FRMD3: variants seen among roughly 807,000 people sequenced by gnomAD.
FRMD3 encodes FERM domain-containing protein 3.
FRMD3 carries 33 observed loss-of-function variants against 70.2 expected under a neutral mutation model. That is an observed-to-expected ratio of 0.47 (90% CI 0.36 to 0.63). FRMD3 has a LOEUF of 0.63. Among genes scored for constraint, FRMD3 ranks in the 20% least tolerant of loss-of-function variants. The pLI, the probability that FRMD3 is intolerant of heterozygous loss-of-function variation, is 0.00. For missense variants in FRMD3, 632 were observed against 711.4 expected (o/e 0.89, Z 1.27); for synonymous variants, 279 against 255.9 (o/e 1.09, Z -0.86).
At chr9:83,501,499 A>C (rs1054919207) in intron 1 of FRMD3, among the ~76,000 whole-genome samples, 2 of 152,216 alleles carry the variant, frequency 1.3e-5, no homozygotes, top group African/African-American at 4.8e-5. Context: ...CATTCAGGCT[A>C]TAGAGCTGAG....
At chr9:83,264,812 G>GC (rs1287956409) in intron 13 of FRMD3, among the ~76,000 whole-genome samples, 3 of 151,028 alleles carry the variant, frequency 2.0e-5, no homozygotes, top group Non-Finnish European at 4.4e-5. Flanking sequence ...AATTGTGGGG[G>GC]GAGGGGGGAA....
At chr9:83,331,395 G>A (rs1836257556) in intron 6 of FRMD3, among the ~76,000 whole-genome samples, 1 of 152,190 alleles carries the variant, frequency 6.6e-6, no homozygotes, top group Non-Finnish European at 1.5e-5. Context: ...TCTGGGTAAG[G>A]CAAAAGCTAT....
chr9:83,469,763 T>C (rs1292003282), intron 1 of FRMD3, among the ~76,000 whole-genome samples: 1 of 152,038 alleles, frequency 6.6e-6, no homozygotes, highest in Non-Finnish European at 1.5e-5. Flanking sequence ...AAACCGGCTA[T>C]TGTCAGGTAA....
At chr9:83,525,776 A>C (rs1489899016) in intron 1 of FRMD3, among the ~76,000 whole-genome samples, 2 of 152,214 alleles carry the variant, frequency 1.3e-5, no homozygotes, top group Non-Finnish European at 2.9e-5. Flanking sequence ...TGTAGAAGAA[A>C]ATAGAGACCA....
intron 2 of FRMD3, among the ~76,000 whole-genome samples, chr9:83,378,836 T>A (rs1163134433): frequency 7.8e-6 from 1 of 128,342 alleles, no homozygotes; most frequent in East Asian, 2.0e-4. Flanking sequence ...TAAATATATA[T>A]ACTATATATA....
intron 3 of FRMD3, 151 bp from the exon 4 acceptor site, chr9:83,349,908 C>T (rs767678478): frequency 1.9e-5 from 11 of 574,318 alleles, no homozygotes; most frequent in Non-Finnish European, 3.1e-5. Flanking sequence ...AGATATGATG[C>T]CCAAGAAAAC....
the FRMD3 span, among the ~76,000 whole-genome samples, chr9:83,583,148 C>T: frequency 0.084 from 12,730 of 152,156 alleles, 749 homozygotes; most frequent in South Asian, 0.13. Context: ...TTTGAGAATT[C>T]GCTTTAGAGA....
rs1829053720 is a variant in FRMD3, at chr9:83,500,857, T to C, written c.147+37228A>G. ...CTCTGCAGCATTTTCTAACTTACAG[T>C]TTAATGCTTTATATAATCATCTGCC... On this transcript the variant is annotated intron_variant, in intron 1 of 13. Transcript: ENST00000304195. 2.6e-5 allele frequency among the ~76,000 whole-genome samples: 4 copies of C among 152,236 alleles called. No individual in the cohort carries two copies. The South Asian group carries it at 8.3e-4, about 32-fold the overall frequency.
intron 1 of FRMD3, among the ~76,000 whole-genome samples, chr9:83,481,262 T>C (rs1182754197): frequency 6.6e-6 from 1 of 152,214 alleles, no homozygotes; most frequent in Admixed American, 6.5e-5. Context: ...AAGGGAGGCC[T>C]TGCATATTCC....
intron 1 of FRMD3, among the ~76,000 whole-genome samples, chr9:83,438,931 A>G (rs1003413718): frequency 1.3e-5 from 2 of 152,200 alleles, no homozygotes; most frequent in Non-Finnish European, 2.9e-5. Flanking sequence ...GTCTCTCTCC[A>G]GAGAAAGAAA....
At chr9:83,371,209 G>T (rs897212745) in intron 3 of FRMD3, among the ~76,000 whole-genome samples, 7 of 152,046 alleles carry the variant, frequency 4.6e-5, no homozygotes, top group Admixed American at 3.3e-4. Context: ...TCAATATTTT[G>T]TAGTTAAGGA....
chr9:83,535,294 T>C (rs1829868403), intron 1 of FRMD3, among the ~76,000 whole-genome samples: 1 of 152,194 alleles, frequency 6.6e-6, no homozygotes, highest in African/African-American at 2.4e-5. Flanking sequence ...GCATCTACCA[T>C]GTGTGGCCAC....
chr9:83,298,960 G>A, intron 11 of FRMD3, 144 bp from the exon 12 acceptor site: 1 of 988,332 alleles, frequency 1.0e-6, no homozygotes, highest in Non-Finnish European at 1.6e-6. Flanking sequence ...AGAATTTGAG[G>A]GTGCCCTGTG....
At chr9:83,284,271 C>A (rs1484001922) in intron 13 of FRMD3, among the ~76,000 whole-genome samples, 2 of 152,026 alleles carry the variant, frequency 1.3e-5, no homozygotes, top group Non-Finnish European at 2.9e-5. Flanking sequence ...GATTCGTAAA[C>A]AGCTTCTGCT....
intron 1 of FRMD3, among the ~76,000 whole-genome samples, chr9:83,457,754 C>T (rs988214592): frequency 4.6e-5 from 7 of 152,068 alleles, no homozygotes; most frequent in Non-Finnish European, 1.0e-4. Flanking sequence ...GGAGGGCTAA[C>T]TGTATTCTTG....
intron 1 of FRMD3, among the ~76,000 whole-genome samples, chr9:83,509,775 GCA>G (rs1829294015): frequency 6.7e-6 from 1 of 149,776 alleles, no homozygotes; most frequent in Non-Finnish European, 1.5e-5. Context: ...ATTAAAATAC[GCA>G]CACGCGCGCG....
At chr9:83,260,275 G>T (rs909225115) in intron 13 of FRMD3, among the ~76,000 whole-genome samples, 1 of 152,200 alleles carries the variant, frequency 6.6e-6, no homozygotes, top group Non-Finnish European at 1.5e-5. Flanking sequence ...GCATAGGCAA[G>T]TTAAGGTCAC....
chr9:83,358,871 C>A (rs1824492849), intron 3 of FRMD3, among the ~76,000 whole-genome samples: 1 of 152,068 alleles, frequency 6.6e-6, no homozygotes, highest in African/African-American at 2.4e-5. Flanking sequence ...ACTACCTCTG[C>A]ACATATGCAA....
At chr9:83,252,873 A>T (rs549421058) in intron 13 of FRMD3, among the ~76,000 whole-genome samples, 1 of 152,076 alleles carries the variant, frequency 6.6e-6, no homozygotes, top group East Asian at 1.9e-4. Flanking sequence ...CAAGTGCTTT[A>T]TGAGACCTAC....
Sources: allele counts gnomAD v4.1 joint callset (sites outside exome capture counted in the v4.1 genomes callset), GRCh38; gene constraint gnomAD v4.1.1; transcripts MANE v1.5; gene names NCBI Gene and HGNC (gene_info 2026-07-23, HGNC 2026-07-21).